The following OSBPL6 variants were observed in gnomAD, a reference collection of about 807,000 sequenced individuals.
OSBPL6 encodes the protein oxysterol binding protein like 6, also known as oxysterol-binding protein-related protein 6.
Under a neutral mutation model 125.8 loss-of-function variants are expected in OSBPL6, and 49 were observed. The ratio of observed to expected loss-of-function variants is 0.39; its 90% CI spans 0.31 to 0.49. The LOEUF (loss-of-function observed/expected upper bound fraction) is 0.49. Among genes scored for constraint, OSBPL6 ranks in the 20% least tolerant of loss-of-function variants. The probability of loss-of-function intolerance (pLI) is 0.88; values close to 1 mark genes in which losing one functional copy is unlikely to be tolerated. For missense variants in OSBPL6, 986 were observed against 1,135.4 expected (o/e 0.87, Z 1.89); for synonymous variants, 394 against 391.8 (o/e 1.01, Z -0.07).
chr2:178,328,276 T>G lies in OSBPL6; in HGVS notation c.216T>G (p.Ile72Met). The G allele has an allele frequency of 6.2e-7, 1 of 1,613,836 alleles. No individual in the cohort carries two copies. The highest frequency in any genetic ancestry group is 8.5e-7 in the Non-Finnish European group (1 of 1,179,792). The change falls in exon 5 of 25, where the codon ATT (isoleucine) becomes ATG (methionine). Residue 72 changes from isoleucine (I) to methionine (M), a missense_variant. Ile to Met is a conservative substitution (Grantham distance 10, BLOSUM62 1). Around this residue, in one of 3 missense-constraint regions of OSBPL6, gnomAD observed 130 missense variants for 106.4 expected, o/e 1.22. Coordinates refer to ENST00000190611, the MANE Select transcript of OSBPL6 (RefSeq NM_032523.4). The stretch of plus-strand genomic sequence containing the variant: ...CTCAGGAAGCTGACAGCTGGGAAAT[T>G]ATAGAAGGGCTGAAAATAGGCCAAA... ...PLSKEADSWE[I>M]IEGLKIGQTN...
intron 4 of OSBPL6, among the ~76,000 whole-genome samples, chr2:178,325,715 A>C (rs1688645158): frequency 6.6e-6 from 1 of 152,206 alleles, no homozygotes; most frequent in Admixed American, 6.5e-5. Flanking sequence ...CAACTCATTG[A>C]AGTACATATC....
At chr2:178,195,078 A>T (rs2088791468) in intron 1 of OSBPL6, among the ~76,000 whole-genome samples, 1 of 151,912 alleles carries the variant, frequency 6.6e-6, no homozygotes, top group African/African-American at 2.4e-5. Context: ...GGACTGATGT[A>T]ATTGTCAGCG....
At chr2:178,351,958 A>C (rs1691301195) in intron 12 of OSBPL6, among the ~76,000 whole-genome samples, 1 of 152,226 alleles carries the variant, frequency 6.6e-6, no homozygotes, top group Non-Finnish European at 1.5e-5. Context: ...TTGCCTATGT[A>C]ACAAACCTTC....
intron 1 of OSBPL6, among the ~76,000 whole-genome samples, chr2:178,201,907 G>C (rs139228968): frequency 6.6e-6 from 1 of 152,200 alleles, no homozygotes; most frequent in African/African-American, 2.4e-5. Flanking sequence ...TGCTTTATCA[G>C]ATATGATGTC....
At chr2:178,245,411 C>G (rs2091453327) in intron 1 of OSBPL6, among the ~76,000 whole-genome samples, 1 of 152,168 alleles carries the variant, frequency 6.6e-6, no homozygotes, top group South Asian at 2.1e-4. Context: ...TGGAAACCTA[C>G]CCCAGGTTCA....
intron 20 of OSBPL6, 43 bp from the exon 21 acceptor site, chr2:178,388,966 T>C (rs1246274255): frequency 1.2e-6 from 2 of 1,601,290 alleles, no homozygotes; most frequent in Admixed American, 1.7e-5. Context: ...TATATGTGTT[T>C]GTGACCTTGG....
chr2:178,398,049 A>T lies in OSBPL6; in HGVS notation c.*2490A>T, dbSNP rs1695953931. On this transcript the variant is annotated 3_prime_UTR_variant, in exon 25 of 25. Transcript: ENST00000190611. ...CTATAATACCCAATTCACTAATATC[A>T]TATCTCCTGTGGAATATTCATTGGT... 6.6e-6 allele frequency: 1 copy of T among 152,180 alleles called. No individual in the cohort carries two copies. The highest frequency in any genetic ancestry group is 2.4e-5 in the African/African-American group (1 of 41,434). 9.4% of individuals were successfully genotyped at this position (152,180 alleles called of 1,614,324 possible).
At chr2:178,239,489 G>A (rs1446447778) in intron 1 of OSBPL6, among the ~76,000 whole-genome samples, 1 of 151,994 alleles carries the variant, frequency 6.6e-6, no homozygotes, top group East Asian at 1.9e-4. Flanking sequence ...AGCCAAGATT[G>A]CGCCTCTGCA....
At chr2:178,394,539 G>A in intron 24 of OSBPL6, 104 bp downstream of exon 24, 1 of 1,377,296 alleles carries the variant, frequency 7.3e-7, no homozygotes, top group South Asian at 1.4e-5. Flanking sequence ...ATGGATTTTG[G>A]TATCTTTGCT....
At chr2:178,226,633 G>C (rs1026461413) in intron 1 of OSBPL6, among the ~76,000 whole-genome samples, 5 of 152,178 alleles carry the variant, frequency 3.3e-5, no homozygotes, top group African/African-American at 1.2e-4. Context: ...GGAAAAGGAG[G>C]GACTATTCAG....
chr2:178,387,002 A>G (rs1183854249), intron 19 of OSBPL6, 59 bp from the exon 20 acceptor site: 6 of 1,139,630 alleles, frequency 5.3e-6, no homozygotes, highest in Non-Finnish European at 3.9e-6. Context: ...GTTAGTTTTT[A>G]TAGAAGAGGT....
At position 178,255,431 on chromosome 2, in the gene OSBPL6, G is replaced by A. The variant is rs148928313; in HGVS notation, c.-350-29496G>A. 5.8e-3 allele frequency among the ~76,000 whole-genome samples: 889 copies of A among 152,290 alleles called. 10 individuals carry two copies. Among genetic ancestry groups the A allele is most frequent in the African/African-American group, 0.02 (850 of 41,566 alleles). On this transcript the variant is annotated intron_variant, in intron 1 of 24. Coordinates refer to ENST00000190611, the MANE Select transcript of OSBPL6 (RefSeq NM_032523.4). ...ATCACGAGAACAGCATGGGAAAAACGCTCCCCAGGGATTCAGTTACCTGCC... is the reference window on the plus strand; with the variant it reads ...ATCACGAGAACAGCATGGGAAAAACACTCCCCAGGGATTCAGTTACCTGCC...
chr2:178,380,992 G>C (rs1056879843), intron 15 of OSBPL6, among the ~76,000 whole-genome samples: 1 of 152,164 alleles, frequency 6.6e-6, no homozygotes, highest in Non-Finnish European at 1.5e-5. Context: ...TTTCCTATAG[G>C]TGATGGGCTG....
chr2:178,353,746 C>G (rs1295806140), intron 12 of OSBPL6, among the ~76,000 whole-genome samples: 2 of 152,110 alleles, frequency 1.3e-5, no homozygotes, highest in Non-Finnish European at 2.9e-5. Flanking sequence ...CAGAAAATGC[C>G]ACAAAGATAC....
intron 1 of OSBPL6, among the ~76,000 whole-genome samples, chr2:178,228,833 A>C (rs1246363399): frequency 6.6e-6 from 1 of 152,246 alleles, no homozygotes; most frequent in African/African-American, 2.4e-5. Flanking sequence ...TAAAATTTAT[A>C]GTTGAAAAAG....
At chr2:178,283,192 A>T (rs560835099) in intron 1 of OSBPL6, among the ~76,000 whole-genome samples, 38 of 152,252 alleles carry the variant, frequency 2.5e-4, no homozygotes, top group South Asian at 4.1e-4. Context: ...AATTTTTTTT[A>T]AAAATGTTAT....
chr2:178,314,641 A>C (rs1687580649), intron 3 of OSBPL6, among the ~76,000 whole-genome samples: 1 of 152,234 alleles, frequency 6.6e-6, no homozygotes, highest in Admixed American at 6.5e-5. Flanking sequence ...TGAAGAGTCT[A>C]AATATTAGGC....
chr2:178,363,358 C>T (rs530508780), intron 13 of OSBPL6, among the ~76,000 whole-genome samples: 3 of 152,198 alleles, frequency 2.0e-5, no homozygotes, highest in South Asian at 2.1e-4. Context: ...GTATTCCATT[C>T]GGGTGACTAT....
chr2:178,353,155 G>C (rs1691442185), intron 12 of OSBPL6, among the ~76,000 whole-genome samples: 1 of 152,208 alleles, frequency 6.6e-6, no homozygotes, highest in Non-Finnish European at 1.5e-5. Context: ...GAGCAGAAAA[G>C]CTGAAAATTC....
Sources: gnomAD v4.1 joint callset for allele counts (sites outside exome capture counted in the v4.1 genomes callset) on GRCh38, gnomAD v4.1.1 for gene constraint, gnomAD v4.1.1 regional missense constraint, MANE v1.5 for transcripts, NCBI Gene and HGNC (gene_info 2026-07-23, HGNC 2026-07-21) for gene names.